CCDC83: variants seen among roughly 807,000 people sequenced by gnomAD.
CCDC83 encodes coiled-coil domain-containing protein 83.
Under a neutral mutation model 50.1 loss-of-function variants are expected in CCDC83, and 54 were observed. The observed-to-expected ratio is 1.08, with a 90% confidence interval of 0.87 to 1.35. The LOEUF is 1.35. Ranked by LOEUF, CCDC83 falls within the 40% of genes most tolerant of loss-of-function variation. CCDC83 has a pLI of 0.00. For missense variants in CCDC83, 518 were observed against 473.9 expected, an observed-to-expected ratio of 1.09 and a Z score of -0.86; for synonymous variants, 161 against 153.3, an observed-to-expected ratio of 1.05 and a Z score of -0.37.
intron 10 of CCDC83, among the ~76,000 whole-genome samples, 158 bp from the exon 11 acceptor site, chr11:85,919,191 A>G (rs2093497025): frequency 6.6e-6 from 1 of 152,140 alleles, no homozygotes; most frequent in South Asian, 2.1e-4. Context: ...TCCCATTTAT[A>G]GTGGCTCTCA....
At chr11:85,881,698 C>T (rs1349054900) in intron 3 of CCDC83, among the ~76,000 whole-genome samples, 2 of 152,192 alleles carry the variant, frequency 1.3e-5, no homozygotes, top group African/African-American at 4.8e-5. Context: ...GAATTACAGG[C>T]ATGAGCCACC....
At chr11:85,862,898 A>C (rs773820431) in intron 1 of CCDC83, among the ~76,000 whole-genome samples, 3 of 152,258 alleles carry the variant, frequency 2.0e-5, no homozygotes, top group Admixed American at 6.5e-5. Flanking sequence ...AATGAATCTT[A>C]ATAGAGTTTA....
intron 8 of CCDC83, among the ~76,000 whole-genome samples, chr11:85,914,395 C>T (rs947173875): frequency 6.6e-6 from 1 of 152,168 alleles, no homozygotes; most frequent in African/African-American, 2.4e-5. Flanking sequence ...TCAGTGGACA[C>T]TCTAAAAAGG....
intron 1 of CCDC83, among the ~76,000 whole-genome samples, chr11:85,857,394 C>T (rs772802745): frequency 2.9e-4 from 44 of 152,162 alleles, no homozygotes; most frequent in South Asian, 1.5e-3. Context: ...CCTGGAAGGG[C>T]GAAACAGAGG....
intron 3 of CCDC83, among the ~76,000 whole-genome samples, chr11:85,879,479 T>C (rs780259431): frequency 3.0e-4 from 45 of 152,132 alleles, no homozygotes; most frequent in Non-Finnish European, 5.1e-4. Context: ...GATATACAAA[T>C]GGCTAACAAG....
intron 7 of CCDC83, among the ~76,000 whole-genome samples, chr11:85,903,427 T>C (rs144339636): frequency 0.014 from 2,104 of 151,860 alleles, 23 homozygotes; most frequent in Admixed American, 0.024. Flanking sequence ...CCCAAGAAGC[T>C]GGGATTACAG....
chr11:85,879,083 T>C (rs1232345742), intron 3 of CCDC83, among the ~76,000 whole-genome samples: 1 of 152,204 alleles, frequency 6.6e-6, no homozygotes, highest in Admixed American at 6.5e-5. Context: ...CTGTAGTTTG[T>C]CTTTCATCCT....
chr11:85,871,985 C>T (rs2093240060), intron 2 of CCDC83, among the ~76,000 whole-genome samples: 2 of 152,312 alleles, frequency 1.3e-5, no homozygotes, highest in African/African-American at 2.4e-5. Flanking sequence ...CTGCATCTCA[C>T]TCTGTCACCC....
At chr11:85,899,842 C>A (rs1403093553) in intron 7 of CCDC83, among the ~76,000 whole-genome samples, 2 of 152,082 alleles carry the variant, frequency 1.3e-5, no homozygotes, top group East Asian at 3.9e-4. Flanking sequence ...TAGGTTAAAA[C>A]CTTTGTGAAT....
At chr11:85,861,863 G>T (rs935991938) in intron 1 of CCDC83, among the ~76,000 whole-genome samples, 3 of 151,840 alleles carry the variant, frequency 2.0e-5, no homozygotes, top group Non-Finnish European at 4.4e-5. Context: ...TAAAAAATTA[G>T]CCAGGCATGG....
intron 3 of CCDC83, among the ~76,000 whole-genome samples, chr11:85,878,916 T>G (rs1411367868): frequency 6.6e-6 from 1 of 152,166 alleles, no homozygotes; most frequent in African/African-American, 2.4e-5. Flanking sequence ...TAATTTGCAT[T>G]TCCCTAGTGG....
intron 5 of CCDC83, among the ~76,000 whole-genome samples, chr11:85,890,102 T>A (rs961239816): frequency 6.6e-6 from 1 of 152,174 alleles, no homozygotes; most frequent in Admixed American, 6.5e-5. Context: ...CCATCTCAAA[T>A]CTGGGTGAAA....
intron 10 of CCDC83, among the ~76,000 whole-genome samples, chr11:85,917,166 G>GAGAAAGAAAGAAAGAAAGAA (rs1554986880): frequency 3.2e-4 from 20 of 62,412 alleles, no homozygotes; most frequent in Non-Finnish European, 5.4e-4. Context: ...GAGAGAGAGA[G>GAGAAAGAAAGAAAGAAAGAA]AGAAAGAAAG....
At chr11:85,915,000 G>T (rs2093470861) in intron 8 of CCDC83, among the ~76,000 whole-genome samples, 1 of 152,172 alleles carries the variant, frequency 6.6e-6, no homozygotes. Flanking sequence ...ACAGCATGGA[G>T]GTAACCGCTC....
intron 3 of CCDC83, among the ~76,000 whole-genome samples, chr11:85,878,920 C>T (rs1192657956): frequency 6.6e-6 from 1 of 152,090 alleles, no homozygotes; most frequent in Non-Finnish European, 1.5e-5. Context: ...TTGCATTTCC[C>T]TAGTGGCTAA....
chr11:85,863,851 C>T (rs2093191755), intron 1 of CCDC83, among the ~76,000 whole-genome samples: 1 of 152,178 alleles, frequency 6.6e-6, no homozygotes, highest in South Asian at 2.1e-4. Flanking sequence ...GGAGCAACAA[C>T]TGAAGGGAAA....
At chr11:85,888,058 G>A (rs1364304715) in intron 5 of CCDC83, among the ~76,000 whole-genome samples, 1 of 152,070 alleles carries the variant, frequency 6.6e-6, no homozygotes, top group Non-Finnish European at 1.5e-5. Flanking sequence ...AAGCATTAAG[G>A]TTGTTTCTAG....
intron 4 of CCDC83, among the ~76,000 whole-genome samples, chr11:85,885,676 A>T (rs2093323444): frequency 6.6e-6 from 1 of 152,260 alleles, no homozygotes; most frequent in Admixed American, 6.5e-5. Context: ...TGTTATTATG[A>T]CTATCAGAGG....
intron 7 of CCDC83, among the ~76,000 whole-genome samples, chr11:85,907,029 T>C (rs1322425148): frequency 6.6e-6 from 1 of 152,216 alleles, no homozygotes; most frequent in Non-Finnish European, 1.5e-5. Context: ...ATTAAAACTA[T>C]TTCTGGTACC....
Sources: allele counts gnomAD v4.1 joint callset (sites outside exome capture counted in the v4.1 genomes callset), GRCh38; gene constraint gnomAD v4.1.1; transcripts MANE v1.5; gene names NCBI Gene and HGNC (gene_info 2026-07-23, HGNC 2026-07-21).